Variants in RGS6 observed in about 807,000 individuals in gnomAD.
The protein encoded by RGS6 is regulator of G-protein signaling 6.
A neutral mutation model predicts 78.5 loss-of-function variants in RGS6; 30 were observed. That is an observed-to-expected ratio of 0.38 (90% CI 0.29 to 0.52). The LOEUF is 0.52. RGS6 is among the 20% of genes least tolerant of loss of function. The pLI, the probability that RGS6 is intolerant of heterozygous loss-of-function variation, is 0.85. For missense variants in RGS6, 495 were observed against 609.7 expected (o/e 0.81, Z 1.98); for synonymous variants, 206 against 206.0 (o/e 1.00, Z 0.00).
intron 2 of RGS6, among the ~76,000 whole-genome samples, chr14:72,129,494 C>G (rs2096270893): frequency 6.6e-6 from 1 of 152,200 alleles, no homozygotes; most frequent in African/African-American, 2.4e-5. Context: ...GCACAACAAA[C>G]TACTCCAACA....
chr14:72,362,696 G>C (rs2081682784), intron 3 of RGS6, among the ~76,000 whole-genome samples: 1 of 152,232 alleles, frequency 6.6e-6, no homozygotes, highest in African/African-American at 2.4e-5. Flanking sequence ...CTAGGCTCCA[G>C]AACTCATACA....
At chr14:72,057,725 G>A (rs1033275576) in intron 2 of RGS6, among the ~76,000 whole-genome samples, 18 of 152,084 alleles carry the variant, frequency 1.2e-4, no homozygotes, top group East Asian at 3.8e-4. Flanking sequence ...CCTTTTGCGC[G>A]TCATTTTGTG....
At chr14:72,227,027 T>C (rs888646012) in intron 2 of RGS6, among the ~76,000 whole-genome samples, 8 of 152,166 alleles carry the variant, frequency 5.3e-5, no homozygotes, top group African/African-American at 1.9e-4. Context: ...CAACCAGATA[T>C]ATACACAACA....
At chr14:72,123,493 AT>A (rs1490298690) in intron 2 of RGS6, among the ~76,000 whole-genome samples, 3 of 152,178 alleles carry the variant, frequency 2.0e-5, no homozygotes, top group African/African-American at 7.2e-5. Context: ...CAGTTTCCCC[AT>A]ATTTTAATGG....
intron 3 of RGS6, among the ~76,000 whole-genome samples, chr14:72,416,816 G>C (rs2093847102): frequency 6.6e-6 from 1 of 152,186 alleles, no homozygotes; most frequent in Admixed American, 6.5e-5. Flanking sequence ...TACCACCTCT[G>C]ATGCCAGTTA....
the RGS6 span, among the ~76,000 whole-genome samples, chr14:71,882,265 T>A: frequency 6.6e-6 from 1 of 152,232 alleles, no homozygotes. Context: ...TGCTGTAGTG[T>A]ATGTCAGAAT....
intron 12 of RGS6, among the ~76,000 whole-genome samples, chr14:72,487,912 C>T (rs1042789639): frequency 2.8e-4 from 43 of 152,154 alleles, no homozygotes; most frequent in African/African-American, 9.9e-4. Context: ...CCAAATTGTT[C>T]ATCCTCTTTG....
At chr14:72,196,086 AG>A (rs535728811) in intron 2 of RGS6, among the ~76,000 whole-genome samples, 67 of 152,100 alleles carry the variant, frequency 4.4e-4, no homozygotes, top group African/African-American at 9.9e-4. Context: ...GAAATGGGGG[AG>A]GGGGAGACTG....
chr14:72,019,028 C>T (rs1185770903), intron 2 of RGS6, among the ~76,000 whole-genome samples: 1 of 152,022 alleles, frequency 6.6e-6, no homozygotes, highest in African/African-American at 2.4e-5. Context: ...AAAGATAAAA[C>T]CCAAATAAAA....
intron 3 of RGS6, among the ~76,000 whole-genome samples, chr14:72,437,297 T>C (rs1406899053): frequency 7.5e-6 from 1 of 132,736 alleles, no homozygotes; most frequent in Non-Finnish European, 1.5e-5. Flanking sequence ...GCCGAGATCA[T>C]GCCACTGCAC....
At chr14:72,205,546 A>G (rs1477317855) in intron 2 of RGS6, among the ~76,000 whole-genome samples, 1 of 152,214 alleles carries the variant, frequency 6.6e-6, no homozygotes, top group Non-Finnish European at 1.5e-5. Context: ...CTGAGCCATC[A>G]TATATTCCAG....
At chr14:72,492,519 T>G (rs1208469148) in intron 12 of RGS6, among the ~76,000 whole-genome samples, 1 of 152,190 alleles carries the variant, frequency 6.6e-6, no homozygotes, top group Non-Finnish European at 1.5e-5. Flanking sequence ...TGACCCACTT[T>G]GGCGAAAAAG....
intron 14 of RGS6, chr14:72,513,863 T>C (rs2096908563): frequency 6.6e-6 from 1 of 152,240 alleles, no homozygotes; most frequent in South Asian, 2.1e-4. Context: ...TAGTTGTTCT[T>C]CTAACCTGCA....
chr14:72,524,325 T>C (rs2097092323), intron 15 of RGS6, among the ~76,000 whole-genome samples: 1 of 152,184 alleles, frequency 6.6e-6, no homozygotes, highest in African/African-American at 2.4e-5. Flanking sequence ...GTGAATCCCA[T>C]GGTGATGGGC....
chr14:72,313,823 G>A (rs918608023), intron 2 of RGS6, among the ~76,000 whole-genome samples: 3 of 152,096 alleles, frequency 2.0e-5, no homozygotes, highest in Non-Finnish European at 4.4e-5. Flanking sequence ...GGTATTAGAA[G>A]ATAAAAGCTT....
chr14:72,577,566 T>A, the RGS6 span, among the ~76,000 whole-genome samples: 3 of 152,168 alleles, frequency 2.0e-5, no homozygotes, highest in Non-Finnish European at 4.4e-5. Flanking sequence ...CAGGGAAACA[T>A]CAAGACACAT....
At chr14:72,331,005 C>T (rs2074896469) in intron 2 of RGS6, among the ~76,000 whole-genome samples, 1 of 152,202 alleles carries the variant, frequency 6.6e-6, no homozygotes, top group Admixed American at 6.5e-5. Flanking sequence ...GACAGAGCAT[C>T]TGGCCCAGGC....
the RGS6 span, among the ~76,000 whole-genome samples, chr14:71,899,795 G>A: frequency 6.6e-6 from 1 of 152,096 alleles, no homozygotes; most frequent in Admixed American, 6.6e-5. Flanking sequence ...ACTCTCATTG[G>A]TCACCTTACA....
chr14:72,622,129 C>G, the RGS6 span, among the ~76,000 whole-genome samples: 1 of 152,172 alleles, frequency 6.6e-6, no homozygotes, highest in Admixed American at 6.5e-5. Flanking sequence ...TGAAATGATA[C>G]ACACAATTTT....
Sources: allele counts gnomAD v4.1 joint callset (sites outside exome capture counted in the v4.1 genomes callset), GRCh38; gene constraint gnomAD v4.1.1; transcripts MANE v1.5; gene names NCBI Gene and HGNC (gene_info 2026-07-23, HGNC 2026-07-21).